Variants in LRP1B observed in about 807,000 individuals in gnomAD.
LRP1B encodes the protein LDL receptor related protein 1B, also known as low-density lipoprotein receptor-related protein 1B.
LRP1B carries 217 observed loss-of-function variants against 556.6 expected under a neutral mutation model. The observed-to-expected ratio is 0.39, with a 90% CI of 0.35 to 0.44. LRP1B has a LOEUF of 0.44. LRP1B is among the 20% of genes least tolerant of loss of function. The pLI is 1.00. For missense variants in LRP1B, 5,053 were observed against 5,620.8 expected (o/e 0.90, Z 3.23); for synonymous variants, 2,047 against 1,865.8 (o/e 1.10, Z -2.50).
chr2:140,580,986 G>A (rs1558981964), intron 43 of LRP1B, among the ~76,000 whole-genome samples: 2 of 152,308 alleles, frequency 1.3e-5, no homozygotes, highest in Admixed American at 6.5e-5. Flanking sequence ...CAGTCAGCAC[G>A]CTTATGATCT....
intron 66 of LRP1B, among the ~76,000 whole-genome samples, chr2:140,388,467 T>G (rs1159540623): frequency 2.0e-5 from 3 of 152,176 alleles, no homozygotes; most frequent in Non-Finnish European, 4.4e-5. Flanking sequence ...TTTAAACATT[T>G]GTATCATAGT....
At chr2:140,339,286 A>G (rs1454822461) in intron 77 of LRP1B, among the ~76,000 whole-genome samples, 2 of 151,816 alleles carry the variant, frequency 1.3e-5, no homozygotes, top group East Asian at 3.9e-4. Flanking sequence ...GTCACTGAAG[A>G]CATTTGTTTT....
At chr2:141,623,964 G>A (rs1381959578) in intron 2 of LRP1B, among the ~76,000 whole-genome samples, 1 of 134,320 alleles carries the variant, frequency 7.4e-6, no homozygotes, top group Non-Finnish European at 1.5e-5. Flanking sequence ...GCAGTGAGCC[G>A]AGATCGCACC....
At chr2:141,469,146 G>T (rs994382232) in intron 3 of LRP1B, among the ~76,000 whole-genome samples, 2 of 152,142 alleles carry the variant, frequency 1.3e-5, no homozygotes, top group Non-Finnish European at 2.9e-5. Context: ...CACTAATGAA[G>T]AATTTCTTGC....
intron 7 of LRP1B, among the ~76,000 whole-genome samples, chr2:141,091,423 CA>C (rs1262092053): frequency 6.6e-6 from 1 of 152,136 alleles, no homozygotes; most frequent in South Asian, 2.1e-4. Context: ...ACAACAACAA[CA>C]AAAAACATTG....
intron 41 of LRP1B, among the ~76,000 whole-genome samples, chr2:140,616,320 A>G (rs893763172): frequency 6.6e-6 from 1 of 152,004 alleles, no homozygotes; most frequent in African/African-American, 2.4e-5. Context: ...AACTTAAGAC[A>G]ATCACTTATA....
rs1221469082 is a variant in LRP1B, at chr2:141,015,976, A to ACAC, written c.1971-64_1971-62dup. On this transcript the variant is annotated intron_variant, in intron 12 of 90. Coordinates refer to ENST00000389484, the MANE Select transcript of LRP1B (RefSeq NM_018557.3). ...GTTATTACAACCAGCCACAGTATAGACACTTCCTCAGATTTGGCAGTTCCA... is the reference window on the plus strand; with the variant it reads ...GTTATTACAACCAGCCACAGTATAGACACCACTTCCTCAGATTTGGCAGTTCCA... 1.3e-4 allele frequency: 159 copies of ACAC among 1,243,054 alleles called. No homozygotes were observed. In the African/African-American group the frequency reaches 2.0e-3, roughly 15 times the overall value. The allele number at this position is 1,243,054 out of a possible 1,614,324, so 77.0% of individuals were successfully genotyped here.
chr2:141,066,149 C>A (rs1699475716), intron 7 of LRP1B, among the ~76,000 whole-genome samples: 1 of 151,966 alleles, frequency 6.6e-6, no homozygotes, highest in Admixed American at 6.6e-5. Context: ...TAACTATTAG[C>A]TCACAAAAGA....
At chr2:141,440,124 C>T (rs1680906623) in intron 3 of LRP1B, among the ~76,000 whole-genome samples, 1 of 152,164 alleles carries the variant, frequency 6.6e-6, no homozygotes, top group Non-Finnish European at 1.5e-5. Context: ...CGAGTCCCCT[C>T]CCTGTGGCAT....
chr2:140,491,447 ATG>A (rs1259892114), intron 57 of LRP1B, among the ~76,000 whole-genome samples: 1 of 152,080 alleles, frequency 6.6e-6, no homozygotes, highest in African/African-American at 2.4e-5. Flanking sequence ...ACTAGAAAAT[ATG>A]TGTCTGATGC....
chr2:141,638,985 C>CA (rs1199825487), intron 2 of LRP1B, among the ~76,000 whole-genome samples: 2,844 of 49,874 alleles, frequency 0.057, 458 homozygotes, highest in African/African-American at 0.13. Context: ...CTTAGAGTCT[C>CA]AAAAAAAAAT....
At chr2:142,055,864 C>T (rs1259319079) in intron 1 of LRP1B, among the ~76,000 whole-genome samples, 43 of 152,038 alleles carry the variant, frequency 2.8e-4, no homozygotes, top group Admixed American at 2.8e-3. Context: ...GAAGTGTTCA[C>T]AATACGCCGG....
chr2:141,283,949 A>G (rs1685609948), intron 3 of LRP1B, among the ~76,000 whole-genome samples: 1 of 152,178 alleles, frequency 6.6e-6, no homozygotes, highest in Non-Finnish European at 1.5e-5. Context: ...CTGTTTGCTT[A>G]TACTTTTTCT....
intron 3 of LRP1B, among the ~76,000 whole-genome samples, chr2:141,324,675 G>A (rs975607): frequency 0.74 from 111,943 of 151,968 alleles, 42,174 homozygotes; most frequent in African/African-American, 0.84. Flanking sequence ...TTACTGATTC[G>A]AGGCAAGGAC....
At chr2:141,370,741 A>T (rs1689200783) in intron 3 of LRP1B, among the ~76,000 whole-genome samples, 1 of 152,038 alleles carries the variant, frequency 6.6e-6, no homozygotes, top group Non-Finnish European at 1.5e-5. Flanking sequence ...CTAGAAGAGT[A>T]TTCCCCAGGT....
At chr2:140,953,151 C>A (rs1031002884) in intron 18 of LRP1B, among the ~76,000 whole-genome samples, 1 of 152,104 alleles carries the variant, frequency 6.6e-6, no homozygotes, top group Non-Finnish European at 1.5e-5. Context: ...AGTGCAGTGG[C>A]GAGATCCAGA....
chr2:141,407,957 T>C (rs940282636), intron 3 of LRP1B, among the ~76,000 whole-genome samples: 5 of 152,134 alleles, frequency 3.3e-5, no homozygotes, highest in African/African-American at 1.2e-4. Flanking sequence ...TTCAGAGTAA[T>C]GGCAGAATAT....
intron 1 of LRP1B, among the ~76,000 whole-genome samples, chr2:142,094,063 C>T (rs1706271784): frequency 6.6e-6 from 1 of 152,014 alleles, no homozygotes; most frequent in Non-Finnish European, 1.5e-5. Context: ...TCTTCTATGT[C>T]CTCACATGTT....
intron 6 of LRP1B, among the ~76,000 whole-genome samples, chr2:141,191,878 T>A (rs1408280073): frequency 6.6e-6 from 1 of 151,946 alleles, no homozygotes; most frequent in Non-Finnish European, 1.5e-5. Flanking sequence ...CAGAGTCCAT[T>A]CAATGACCCA....
Sources: gnomAD v4.1 joint callset for allele counts (sites outside exome capture counted in the v4.1 genomes callset) on GRCh38, gnomAD v4.1.1 for gene constraint, MANE v1.5 for transcripts, NCBI Gene and HGNC (gene_info 2026-07-23, HGNC 2026-07-21) for gene names.